Variants in COL12A1 observed in about 807,000 individuals in gnomAD.
COL12A1 encodes the protein collagen alpha-1(XII) chain.
Under a neutral mutation model 349.7 loss-of-function variants are expected in COL12A1, and 114 were observed. The observed-to-expected ratio is 0.33, with a 90% confidence interval of 0.28 to 0.38. COL12A1 has a LOEUF of 0.38. Among genes scored for constraint, COL12A1 ranks in the 10% least tolerant of loss-of-function variants. The pLI is 1.00. For missense variants in COL12A1, 3,284 were observed against 3,756.9 expected, an observed-to-expected ratio of 0.87 and a Z score of 3.29; for synonymous variants, 1,369 against 1,329.0, an observed-to-expected ratio of 1.03 and a Z score of -0.66.
At position 75,148,361 on chromosome 6, in the gene COL12A1, T is replaced by C. The variant is rs1767306131; in HGVS notation, c.4284A>G (p.Gln1428=). ...AGTTATAGGTGTTCCTACTCACTTC[T>C]TGACGTTTCCCTCCAGAAACTGGAT... ...EYYPVSGGKR[Q]EFYVSRMETS... is the part of the protein sequence containing the mutation. The change falls in exon 22 of 66, where the codon CAA becomes CAG. Residue 1428 remains glutamine (Q), a synonymous_variant. Coordinates refer to ENST00000322507, the MANE Select transcript of COL12A1 (RefSeq NM_004370.6). 6.8e-6 allele frequency: 11 copies of C among 1,612,534 alleles called. No homozygotes were observed. Among genetic ancestry groups the C allele is most frequent in the Non-Finnish European group, 9.3e-6 (11 of 1,179,120 alleles).
At chr6:75,126,216 T>C (rs896157751) in intron 39 of COL12A1, 135 bp downstream of exon 39, 2 of 938,598 alleles carry the variant, frequency 2.1e-6, no homozygotes, top group Non-Finnish European at 1.5e-6. Context: ...GCCAAAAACA[T>C]TGCCTTTGGT....
At chr6:75,180,918 G>A in intron 11 of COL12A1, 21 bp downstream of exon 11, 1 of 1,597,702 alleles carries the variant, frequency 6.3e-7, no homozygotes, top group Non-Finnish European at 8.6e-7. Context: ...CTGAATAACA[G>A]TGGCAGAAAC....
At chr6:75,125,089 C>G in intron 40 of COL12A1, 38 bp downstream of exon 40, 1 of 1,544,610 alleles carries the variant, frequency 6.5e-7, no homozygotes, top group Non-Finnish European at 8.7e-7. Flanking sequence ...ATTTCTACTA[C>G]AGTTTTTCTC....
At chr6:75,099,818 A>G (rs930677376) in intron 58 of COL12A1, among the ~76,000 whole-genome samples, 4 of 152,100 alleles carry the variant, frequency 2.6e-5, no homozygotes, top group African/African-American at 9.7e-5. Flanking sequence ...GCTGAAGACA[A>G]TCTCTGTATC....
chr6:75,155,006 C>A (rs189760140), intron 16 of COL12A1, among the ~76,000 whole-genome samples: 2 of 152,278 alleles, frequency 1.3e-5, no homozygotes, highest in Non-Finnish European at 2.9e-5. Flanking sequence ...AAGTAAATCA[C>A]AAGCATTTAT....
At chr6:75,121,681 G>C (rs1765741262) in intron 43 of COL12A1, among the ~76,000 whole-genome samples, 1 of 152,072 alleles carries the variant, frequency 6.6e-6, no homozygotes. Context: ...GCATTGCGGG[G>C]ACCCTCAATA....
At chr6:75,175,451 A>G in intron 12 of COL12A1, 141 bp from the exon 13 acceptor site, 1 of 949,024 alleles carries the variant, frequency 1.1e-6, no homozygotes, top group East Asian at 2.6e-5. Context: ...ACTGTTGACC[A>G]GCCAACAAAG....
At position 75,145,611 on chromosome 6, in the gene COL12A1, CT is replaced by C. The variant is rs56698330; in HGVS notation, c.4561-157del. Among the ~76,000 whole-genome samples, 1,151 of 121,168 alleles carry C rather than the reference CT, an allele frequency of 9.5e-3. 10 individuals carry two copies. Among genetic ancestry groups the C allele is most frequent in the African/African-American group, 0.027 (850 of 31,978 alleles). 79.5% of individuals were successfully genotyped at this position (121,168 alleles called of 152,430 possible). On this transcript the variant is annotated intron_variant, in intron 24 of 65. Transcript: ENST00000322507. ...ATCTCCTTTTCCATGCTGATGTTTT[CT>C]TTTTTTTTTTTTTTTTGGTTTGTTT...
At chr6:75,194,618 A>G (rs1039161397) in intron 3 of COL12A1, among the ~76,000 whole-genome samples, 4 of 152,206 alleles carry the variant, frequency 2.6e-5, no homozygotes, top group Non-Finnish European at 5.9e-5. Context: ...AACCTACCAC[A>G]GCAAAACATG....
At chr6:75,142,006 A>G (rs753104952) in intron 27 of COL12A1, 26 bp downstream of exon 27, 1 of 1,613,518 alleles carries the variant, frequency 6.2e-7, no homozygotes, top group Admixed American at 1.7e-5. Flanking sequence ...GTTTCCCATT[A>G]TCAGTGGAGC....
intron 57 of COL12A1, 104 bp from the exon 58 acceptor site, chr6:75,101,757 A>G: frequency 7.7e-7 from 1 of 1,304,848 alleles, no homozygotes. Flanking sequence ...AGAGACTCTG[A>G]ATAGAAACAG....
At chr6:75,094,893 C>T (rs1482306941) in intron 60 of COL12A1, among the ~76,000 whole-genome samples, 1 of 152,172 alleles carries the variant, frequency 6.6e-6, no homozygotes, top group Non-Finnish European at 1.5e-5. Flanking sequence ...TAAAGAAACC[C>T]AGTAACCACA....
intron 12 of COL12A1, among the ~76,000 whole-genome samples, chr6:75,177,089 T>C (rs1768995950): frequency 6.6e-6 from 1 of 152,148 alleles, no homozygotes; most frequent in African/African-American, 2.4e-5. Flanking sequence ...CACTAAAACA[T>C]TTAATAATAT....
At chr6:75,142,761 G>A (rs1035785506) in intron 26 of COL12A1, among the ~76,000 whole-genome samples, 4 of 152,038 alleles carry the variant, frequency 2.6e-5, no homozygotes, top group Non-Finnish European at 4.4e-5. Flanking sequence ...CTTTGAATCC[G>A]GTCATCACGG....
intron 13 of COL12A1, 60 bp downstream of exon 13, chr6:75,174,978 T>C: frequency 6.4e-7 from 1 of 1,573,490 alleles, no homozygotes; most frequent in African/African-American, 1.4e-5. Context: ...CATTTTAAGC[T>C]TCCTAGAGGC....
chr6:75,154,594 C>CTT, intron 16 of COL12A1, 57 bp from the exon 17 acceptor site: 1 of 1,488,382 alleles, frequency 6.7e-7, no homozygotes, highest in Non-Finnish European at 9.0e-7. Flanking sequence ...AGTGGTAGCA[C>CTT]TTTTTTTTTG....
Position 75,098,952 on chromosome 6 carries a change from G to A in COL12A1, c.8524-1646C>T, listed in dbSNP as rs2300796. ...CCTGCTACCCAGTTAGCATTCACTCGCAACAGCAGATCTCTGAAATCCAGC... is the reference window on the plus strand; with the variant it reads ...CCTGCTACCCAGTTAGCATTCACTCACAACAGCAGATCTCTGAAATCCAGC... On this transcript the variant is annotated intron_variant, in intron 58 of 65. Transcript: ENST00000322507. Among the ~76,000 whole-genome samples the A allele has an allele frequency of 3.1e-3, 471 of 152,180 alleles. 4 individuals carry two copies. The highest frequency in any genetic ancestry group is 5.0e-3 in the Admixed American group (77 of 15,288).
intron 7 of COL12A1, among the ~76,000 whole-genome samples, chr6:75,189,002 C>A (rs1769781970): frequency 6.6e-6 from 1 of 152,036 alleles, no homozygotes; most frequent in African/African-American, 2.4e-5. Context: ...GTGAATACCA[C>A]CTTCCTAAAT....
Position 75,134,726 on chromosome 6 carries a change from T to C in COL12A1, c.5524A>G (p.Lys1842Glu), listed in dbSNP as rs778130654. ...GGRMTGRGKT[K>E]PLNTVRNLRV... ...CTATAGGAACTCAGGTTTCACTTAC[T>C]GGTCTTGCCTCTTCCCGTCATCCGA... Residue 1842 changes from lysine to glutamate, a missense_variant and splice_region_variant, in exon 32 of 66, where the codon AAA becomes GAA. Lys to Glu is a moderately conservative substitution (Grantham distance 56). Coordinates refer to ENST00000322507, the MANE Select transcript of COL12A1 (RefSeq NM_004370.6). 6.3e-7 allele frequency: 1 copy of C among 1,596,088 alleles called. No homozygotes were observed. The highest frequency in any genetic ancestry group is 8.6e-7 in the Non-Finnish European group (1 of 1,168,512).
Sources: allele counts gnomAD v4.1 joint callset (sites outside exome capture counted in the v4.1 genomes callset), GRCh38; gene constraint gnomAD v4.1.1; transcripts MANE v1.5; gene names NCBI Gene and HGNC (gene_info 2026-07-23, HGNC 2026-07-21).